The following EPC2 variants were observed in gnomAD, a reference collection of about 807,000 sequenced individuals.
EPC2 encodes enhancer of polycomb homolog 2.
Under a neutral mutation model 92.1 loss-of-function variants are expected in EPC2, and 14 were observed. That is an observed-to-expected ratio of 0.15 (90% CI 0.10 to 0.24). EPC2 has a LOEUF of 0.24. Ranked by LOEUF, EPC2 falls within the 10% of genes least tolerant of loss-of-function variation. The pLI is 1.00. For missense variants in EPC2, 755 were observed against 971.5 expected (o/e 0.78, Z 2.96); for synonymous variants, 340 against 334.7 (o/e 1.02, Z -0.17).
chr2:148,719,695 C>T (rs1489637070), intron 2 of EPC2, among the ~76,000 whole-genome samples: 3 of 152,348 alleles, frequency 2.0e-5, no homozygotes, highest in East Asian at 3.9e-4. Flanking sequence ...GGAGGTTTCA[C>T]CCAGTTAGGA....
rs868175366 is a variant in EPC2, at chr2:148,698,843, A to T, written c.313+8470A>T. Reference sequence around the variant, plus strand: ...TATTTTCTTCCCTTTTTTTTTTTTAAAAAAAAAGCATTATACTCTGTGTAT... The same window carrying T: ...TATTTTCTTCCCTTTTTTTTTTTTATAAAAAAAGCATTATACTCTGTGTAT... On this transcript the variant is annotated intron_variant, in intron 2 of 13. Transcript: ENST00000258484. Among the ~76,000 whole-genome samples the T allele has an allele frequency of 4.2e-5, 5 of 117,694 alleles. No homozygotes were observed. The East Asian group carries it at 9.2e-4, about 22-fold the overall frequency. The allele number at this position is 117,694 out of a possible 152,430, so 77.2% of individuals were successfully genotyped here.
intron 1 of EPC2, among the ~76,000 whole-genome samples, chr2:148,661,159 A>G (rs1218178494): frequency 6.6e-6 from 1 of 152,112 alleles, no homozygotes; most frequent in Admixed American, 6.5e-5. Flanking sequence ...CTTATAGAGA[A>G]TTGACATCTT....
chr2:148,647,214 C>T (rs776865533), intron 1 of EPC2, among the ~76,000 whole-genome samples: 1 of 152,160 alleles, frequency 6.6e-6, no homozygotes, highest in Non-Finnish European at 1.5e-5. Flanking sequence ...TAGTATGCCA[C>T]ATATGTTTTG....
At chr2:148,766,406 A>G (rs1026589425) in intron 7 of EPC2, among the ~76,000 whole-genome samples, 8 of 152,248 alleles carry the variant, frequency 5.3e-5, no homozygotes, top group South Asian at 2.1e-4. Context: ...TAGTCATATG[A>G]ATAGTATCAA....
At chr2:148,732,314 C>G (rs1682649099) in intron 2 of EPC2, among the ~76,000 whole-genome samples, 1 of 151,846 alleles carries the variant, frequency 6.6e-6, no homozygotes, top group Non-Finnish European at 1.5e-5. Context: ...TGCCGTCAAA[C>G]AGTGCTTTAT....
At chr2:148,776,816 A>C (rs1683653370) in intron 10 of EPC2, among the ~76,000 whole-genome samples, 1 of 147,444 alleles carries the variant, frequency 6.8e-6, no homozygotes, top group Non-Finnish European at 1.5e-5. Context: ...CAGGAGGTTG[A>C]GAACAGCCTG....
At chr2:148,656,022 TGTGG>T in intron 1 of EPC2, among the ~76,000 whole-genome samples, 1 of 70,514 alleles carries the variant, frequency 1.4e-5, no homozygotes, top group South Asian at 4.3e-4. Flanking sequence ...TGTGTGTGTG[TGTGG>T]GGGGGGGGGG....
chr2:148,684,457 G>A (rs1037199170), intron 1 of EPC2, among the ~76,000 whole-genome samples: 2 of 152,166 alleles, frequency 1.3e-5, no homozygotes, highest in African/African-American at 4.8e-5. Context: ...CCGATGTTAT[G>A]TTCTAGAATT....
In EPC2 at chr2:148,644,965, C is replaced by T. The variant is rs1683762695; in HGVS notation, c.-53C>T. 3 of 1,462,236 alleles carry T rather than the reference C, an allele frequency of 2.1e-6. No individual in the cohort carries two copies. Among genetic ancestry groups the T allele is most frequent in the Non-Finnish European group, 2.8e-6 (3 of 1,077,338 alleles). 90.6% of individuals were successfully genotyped at this position (1,462,236 alleles called of 1,614,324 possible). A position where few individuals can be genotyped will look rare whatever the true frequency, so the allele number is the denominator to read the frequency against. On this transcript the variant is annotated 5_prime_UTR_variant, in exon 1 of 14. Transcript: ENST00000258484. ...GAGGCGGCGGGAGTCCTCCCCCCCTCCCCGCCCGCCCCGCCGCCGCCGCCC... is the reference window on the plus strand; with the variant it reads ...GAGGCGGCGGGAGTCCTCCCCCCCTTCCCGCCCGCCCCGCCGCCGCCGCCC...
chr2:148,742,906 A>T (rs1179964087), intron 2 of EPC2, among the ~76,000 whole-genome samples: 4 of 152,064 alleles, frequency 2.6e-5, no homozygotes, highest in Admixed American at 2.6e-4. Context: ...TCTTTAAGAA[A>T]ATCAGCCTTT....
rs1264029668 is a variant in EPC2 at position 148,783,653 on chromosome 2, T to C, written c.1914T>C (p.Phe638=). 1 of 1,605,312 alleles carries C rather than the reference T, an allele frequency of 6.2e-7. No individual in the cohort carries two copies. Among genetic ancestry groups the C allele is most frequent in the Admixed American group, 1.7e-5 (1 of 58,784 alleles). Residue 638 remains phenylalanine, a synonymous_variant, in exon 12 of 14, where the codon TTT becomes TTC. Coordinates refer to ENST00000258484, the MANE Select transcript of EPC2 (RefSeq NM_015630.4). ...CACTTGACTCAGCCAGCGCCCACTT[T>C]GCTGCATCTGCAGTGGTCAGTGCAC... The part of the protein sequence containing the change: ...SKTLDSASAH[F]AASAVVSAPV...
At chr2:148,733,255 C>T (rs866007134) in intron 2 of EPC2, among the ~76,000 whole-genome samples, 2 of 151,686 alleles carry the variant, frequency 1.3e-5, no homozygotes, top group African/African-American at 4.8e-5. Context: ...GAAAATTGTA[C>T]TTCCTTAGTA....
intron 1 of EPC2, among the ~76,000 whole-genome samples, chr2:148,667,936 C>T (rs1054438389): frequency 6.6e-6 from 1 of 152,070 alleles, no homozygotes. Context: ...CACTCTGTTG[C>T]CCAGGCTGGA....
chr2:148,670,817 C>G (rs749377766), intron 1 of EPC2, among the ~76,000 whole-genome samples: 1 of 152,128 alleles, frequency 6.6e-6, no homozygotes, highest in Non-Finnish European at 1.5e-5. Flanking sequence ...ATCCTTCCAC[C>G]TCAGCCTCCC....
At chr2:148,699,280 C>T (rs768101147) in intron 2 of EPC2, among the ~76,000 whole-genome samples, 9 of 152,186 alleles carry the variant, frequency 5.9e-5, no homozygotes, top group Non-Finnish European at 1.2e-4. Context: ...TTAGTCAGTA[C>T]ATTTCTTACA....
At chr2:148,670,874 C>G (rs1228643031) in intron 1 of EPC2, among the ~76,000 whole-genome samples, 1 of 152,176 alleles carries the variant, frequency 6.6e-6, no homozygotes, top group African/African-American at 2.4e-5. Context: ...TTTGTGGAGA[C>G]TAGACATCAG....
chr2:148,759,034 A>C (rs777430980), intron 4 of EPC2, among the ~76,000 whole-genome samples: 4 of 152,236 alleles, frequency 2.6e-5, no homozygotes, highest in Non-Finnish European at 5.9e-5. Flanking sequence ...GAAACATGAC[A>C]ACCAAATGTG....
intron 1 of EPC2, among the ~76,000 whole-genome samples, chr2:148,676,579 C>A (rs1340442720): frequency 1.3e-5 from 2 of 151,798 alleles, no homozygotes; most frequent in Admixed American, 1.3e-4. Context: ...TTCATCTAGG[C>A]TCCTTTCTCT....
At chr2:148,663,814 A>G (rs939690234) in intron 1 of EPC2, among the ~76,000 whole-genome samples, 2 of 152,076 alleles carry the variant, frequency 1.3e-5, no homozygotes, top group African/African-American at 2.4e-5. Flanking sequence ...AGATTTTCAT[A>G]AGGAATGCAC....
Sources: gnomAD v4.1 joint callset for allele counts (sites outside exome capture counted in the v4.1 genomes callset) on GRCh38, gnomAD v4.1.1 for gene constraint, MANE v1.5 for transcripts, NCBI Gene and HGNC (gene_info 2026-07-23, HGNC 2026-07-21) for gene names.